SREK1: variants seen among roughly 807,000 people sequenced by gnomAD.
SREK1 encodes splicing regulatory glutamic acid and lysine rich protein 1.
In SREK1, 13 loss-of-function variants were observed where a neutral mutation model predicts 66.5. That is an observed-to-expected ratio of 0.20 (90% CI 0.13 to 0.31). The LOEUF (loss-of-function observed/expected upper bound fraction) is 0.31. Ranked by LOEUF, SREK1 falls within the 10% of genes least tolerant of loss-of-function variation. The pLI, the probability that SREK1 is intolerant of heterozygous loss-of-function variation, is 1.00. For synonymous variants in SREK1, 265 were observed against 263.5 expected, an observed-to-expected ratio of 1.01 and a Z score of -0.05; for missense variants, 607 against 769.6, an observed-to-expected ratio of 0.79 and a Z score of 2.50.
chr5:66,163,879 A>C lies in SREK1; in HGVS notation c.843A>C (p.Arg281=). 1 of 1,613,780 alleles carries C rather than the reference A, an allele frequency of 6.2e-7. No homozygotes were observed. The highest frequency in any genetic ancestry group is 2.2e-5 in the East Asian group (1 of 44,848). ...AAKELEEVMK[R]VREAQSFISA... is the part of the protein sequence containing the mutation. ...AGGAGTTAGAAGAAGTAATGAAGCG[A>C]GTACGAGAAGCTCAGTCATTTATCT... is the stretch of plus-strand genomic sequence containing the variant. Residue 281 remains arginine (R), a synonymous_variant, in exon 6 of 12, where the codon CGA becomes CGC. Coordinates refer to ENST00000334121, the MANE Select transcript of SREK1 (RefSeq NM_001077199.3).
rs772962485 is a variant in SREK1, at chr5:66,177,587, A to G, written c.1654A>G (p.Thr552Ala). The G allele has an allele frequency of 6.2e-7, 1 of 1,611,536 alleles. No homozygotes were observed. The highest frequency in any genetic ancestry group is 8.5e-7 in the Non-Finnish European group (1 of 1,178,466). Residue 552 changes from threonine to alanine, a missense_variant, in exon 11 of 12, where the codon ACG (threonine) becomes GCG (alanine). Around this residue, in one of 5 missense-constraint regions of SREK1, gnomAD observed 318 missense variants for 310.3 expected, o/e 1.02. Transcript: ENST00000334121. ...TGAAAGAAGAGAGAGAGAACGTTCAACGTCTATGAGAAAGAGTTCTAATGA... is the reference window on the plus strand; with the variant it reads ...TGAAAGAAGAGAGAGAGAACGTTCAGCGTCTATGAGAAAGAGTTCTAATGA... ...ISERRERERSTSMRKSSNDRD... is the reference protein window; with the variant it reads ...ISERRERERSASMRKSSNDRD...
rs780693705 is a variant in SREK1, at chr5:66,170,920, C to T, written c.1457C>T (p.Ala486Val). ...KSRTPPRSYN[A>V]SRRSRSSSRE... ...AGAACACCACCCAGGAGTTACAATG[C>T]ATCGCGAAGATCTCGTAGTTCCAGC... Residue 486 changes from alanine (A) to valine (V), a missense_variant, in exon 9 of 12, where the codon GCA (alanine) becomes GTA (valine). Coordinates refer to ENST00000334121, the MANE Select transcript of SREK1 (RefSeq NM_001077199.3). The T allele has an allele frequency of 6.2e-7, 1 of 1,608,024 alleles. No homozygotes were observed. Among genetic ancestry groups the T allele is most frequent in the Non-Finnish European group, 8.5e-7 (1 of 1,178,306 alleles).
intron 5 of SREK1, 157 bp downstream of exon 5, chr5:66,162,749 ATTT>A: frequency 1.7e-6 from 1 of 603,160 alleles, no homozygotes; most frequent in South Asian, 3.2e-5. Flanking sequence ...GATACTTACC[ATTT>A]TAGTCTTTAA....
chr5:66,149,838 TAAAA>T (rs1271357482), intron 1 of SREK1, among the ~76,000 whole-genome samples: 1 of 152,192 alleles, frequency 6.6e-6, no homozygotes, highest in African/African-American at 2.4e-5. Context: ...ACATTATTAT[TAAAA>T]AGAAAGATTT....
rs1270863484 is a variant in SREK1, at chr5:66,181,899, T to TC, written c.*3032dup. 53 of 39,494 alleles carry TC rather than the reference T, an allele frequency of 1.3e-3. 1 individual carries two copies. The highest frequency in any genetic ancestry group is 5.1e-3 in the African/African-American group (49 of 9,632). 2.4% of individuals were successfully genotyped at this position (39,494 alleles called of 1,614,324 possible). A position where few individuals can be genotyped will look rare whatever the true frequency, so the allele number is the denominator to read the frequency against. The stretch of plus-strand genomic sequence containing the variant: ...CGTTTATAATGAAAAGGTTTTTTTG[T>TC]CGGGGGGGGGGGGGTCAAGAGAATT... On this transcript the variant is annotated 3_prime_UTR_variant, in exon 12 of 12. Transcript: ENST00000334121.
Position 66,182,407 on chromosome 5 carries a change from TAA to T in SREK1, c.*3542_*3543del, listed in dbSNP as rs1014204612. ...TTCAAATTTTAAAAGCTAGTGCTCTTAAAAGAGCTAAATTATATTTCTGGAAG... is the reference window on the plus strand; with the variant it reads ...TTCAAATTTTAAAAGCTAGTGCTCTTAAGAGCTAAATTATATTTCTGGAAG... On this transcript the variant is annotated 3_prime_UTR_variant, in exon 12 of 12. Transcript: ENST00000334121. 1 of 152,192 alleles carries T rather than the reference TAA, an allele frequency of 6.6e-6. No individual in the cohort carries two copies. The highest frequency in any genetic ancestry group is 2.4e-5 in the African/African-American group (1 of 41,438). The allele number at this position is 152,192 out of a possible 1,614,324, so 9.4% of individuals were successfully genotyped here.
intron 2 of SREK1, chr5:66,155,919 CA>C: frequency 8.2e-7 from 1 of 1,217,338 alleles, no homozygotes; most frequent in Non-Finnish European, 1.1e-6. Context: ...TAAATGTTAA[CA>C]CGTAGAAAAA....
intron 1 of SREK1, among the ~76,000 whole-genome samples, chr5:66,152,026 T>C (rs1651831): frequency 0.11 from 16,150 of 151,766 alleles, 985 homozygotes; most frequent in East Asian, 0.27. Flanking sequence ...TTTGTATTTT[T>C]AGTAGAGACG....
chr5:66,151,990 C>A (rs998495414), intron 1 of SREK1, among the ~76,000 whole-genome samples: 15 of 151,642 alleles, frequency 9.9e-5, no homozygotes, highest in African/African-American at 3.1e-4. Context: ...GGACTACAGG[C>A]GCCCGCCACC....
At chr5:66,163,653 C>A in intron 5 of SREK1, 139 bp from the exon 6 acceptor site, 2 of 774,754 alleles carry the variant, frequency 2.6e-6, no homozygotes, top group East Asian at 3.2e-5. Context: ...TTTGAGGTTG[C>A]TTTTGGTTAT....
intron 1 of SREK1, 118 bp downstream of exon 1, chr5:66,144,655 T>C (rs886185310): frequency 1.4e-6 from 2 of 1,418,984 alleles, no homozygotes; most frequent in South Asian, 1.5e-5. Context: ...TCGCGCCGGC[T>C]TACCTTGGTG....
intron 2 of SREK1, chr5:66,158,623 A>C: frequency 3.1e-6 from 1 of 326,196 alleles, no homozygotes; most frequent in South Asian, 2.8e-5. Context: ...GGGTTATCAA[A>C]ATTGTTTGCA....
rs1177790682 is a variant in SREK1, at chr5:66,182,257, C to A, written c.*3389C>A. On this transcript the variant is annotated 3_prime_UTR_variant, in exon 12 of 12. Transcript: ENST00000334121. ...TGGTGCGTTACGAAGTAGAGCCATTCCCACAAAGTAAATGTGCAGTGCCCA... is the reference window on the plus strand; with the variant it reads ...TGGTGCGTTACGAAGTAGAGCCATTACCACAAAGTAAATGTGCAGTGCCCA... 6.6e-6 allele frequency: 1 copy of A among 152,072 alleles called. No individual in the cohort carries two copies. Among genetic ancestry groups the A allele is most frequent in the African/African-American group, 2.4e-5 (1 of 41,420 alleles). The allele number at this position is 152,072 out of a possible 1,614,324, so 9.4% of individuals were successfully genotyped here. A position where few individuals can be genotyped will look rare whatever the true frequency, so the allele number is the denominator to read the frequency against.
At position 66,179,346 on chromosome 5, in the gene SREK1, A is replaced by G. The variant is rs1746325360; in HGVS notation, c.*478A>G. 6.6e-6 allele frequency: 1 copy of G among 152,542 alleles called. No homozygotes were observed. Among genetic ancestry groups the G allele is most frequent in the Non-Finnish European group, 1.5e-5 (1 of 68,004 alleles). 9.4% of individuals were successfully genotyped at this position (152,542 alleles called of 1,614,324 possible). On this transcript the variant is annotated 3_prime_UTR_variant, in exon 12 of 12. Coordinates refer to ENST00000334121, the MANE Select transcript of SREK1 (RefSeq NM_001077199.3). Reference sequence around the variant, plus strand: ...AATATATACACACCCTTGTAAGTGCAAAGTATGTAAGAAGTTTTAACATTT... The same window carrying G: ...AATATATACACACCCTTGTAAGTGCGAAGTATGTAAGAAGTTTTAACATTT...
intron 7 of SREK1, chr5:66,169,470 T>C (rs571670695): frequency 6.6e-6 from 1 of 152,314 alleles, no homozygotes; most frequent in South Asian, 2.1e-4. Flanking sequence ...AAATGTGAAA[T>C]TCAAAACACT....
At position 66,144,471 on chromosome 5, in the gene SREK1, G is replaced by A; in HGVS notation, c.95G>A (p.Ser32Asn). 6.4e-7 allele frequency: 1 copy of A among 1,552,862 alleles called. No homozygotes were observed. Among genetic ancestry groups the A allele is most frequent in the East Asian group, 2.4e-5 (1 of 41,020 alleles). Residue 32 changes from serine to asparagine, a missense_variant, in exon 1 of 12, where the codon AGC (serine) becomes AAC (asparagine). Transcript: ENST00000334121. The stretch of plus-strand genomic sequence containing the variant: ...ACGAATCTGTCGTCGGCGGTGACCA[G>A]CGAGCAGATGCGGACGCTTTTTTCC... ...QVTNLSSAVTSEQMRTLFSFL... is the reference protein window; with the variant it reads ...QVTNLSSAVTNEQMRTLFSFL...
chr5:66,157,371 A>G, intron 2 of SREK1: 1 of 982,680 alleles, frequency 1.0e-6, no homozygotes, highest in South Asian at 4.7e-5. Flanking sequence ...ATTAAAGGAC[A>G]AGTAATATTA....
At chr5:66,153,173 G>A (rs574564374) in intron 1 of SREK1, among the ~76,000 whole-genome samples, 24 of 151,994 alleles carry the variant, frequency 1.6e-4, no homozygotes, top group African/African-American at 5.5e-4. Context: ...TTAATTTTTG[G>A]GTTAAATTAG....
intron 1 of SREK1, among the ~76,000 whole-genome samples, chr5:66,146,152 G>A (rs998626698): frequency 6.6e-6 from 1 of 152,108 alleles, no homozygotes; most frequent in South Asian, 2.1e-4. Flanking sequence ...CTCAATTTAA[G>A]TTCTCAGAAC....
Sources: allele counts gnomAD v4.1 joint callset (sites outside exome capture counted in the v4.1 genomes callset), GRCh38; gene constraint gnomAD v4.1.1; regional missense constraint gnomAD v4.1.1; transcripts MANE v1.5; gene names NCBI Gene and HGNC (gene_info 2026-07-23, HGNC 2026-07-21).